The following ASTN2 variants were observed in gnomAD, a reference collection of about 807,000 sequenced individuals.
The protein encoded by ASTN2 is astrotactin-2.
Under a neutral mutation model 139.8 loss-of-function variants are expected in ASTN2, and 54 were observed. The observed-to-expected ratio is 0.39, with a 90% CI of 0.31 to 0.48. The LOEUF (loss-of-function observed/expected upper bound fraction) is 0.48. ASTN2 is among the 20% of genes least tolerant of loss of function. ASTN2 has a pLI of 0.95. For synonymous variants in ASTN2, 756 were observed against 719.5 expected (o/e 1.05, Z -0.81); for missense variants, 1,565 against 1,725.1 (o/e 0.91, Z 1.64).
intron 19 of ASTN2, among the ~76,000 whole-genome samples, chr9:116,519,225 C>T (rs1850770779): frequency 6.6e-6 from 1 of 151,902 alleles, no homozygotes; most frequent in South Asian, 2.1e-4. Context: ...TCAGCACATG[C>T]AATATTCTCC....
intron 10 of ASTN2, among the ~76,000 whole-genome samples, chr9:116,957,844 C>G (rs1056392809): frequency 1.8e-4 from 27 of 152,166 alleles, no homozygotes; most frequent in Admixed American, 4.6e-4. Flanking sequence ...CCACATCCAG[C>G]TCATTTTTGT....
chr9:116,872,047 C>T (rs1350878702), intron 10 of ASTN2, among the ~76,000 whole-genome samples: 2 of 152,100 alleles, frequency 1.3e-5, no homozygotes, highest in Admixed American at 6.5e-5. Context: ...TCACTGCAAC[C>T]TCCGCCTCCC....
intron 1 of ASTN2, among the ~76,000 whole-genome samples, chr9:117,313,796 G>T (rs1828050793): frequency 6.6e-6 from 1 of 152,124 alleles, no homozygotes; most frequent in Admixed American, 6.6e-5. Context: ...GCAAGGAGGA[G>T]CAGAATTTCA....
chr9:117,149,073 G>A (rs1157397982), intron 3 of ASTN2, among the ~76,000 whole-genome samples: 1 of 151,750 alleles, frequency 6.6e-6, no homozygotes, highest in Non-Finnish European at 1.5e-5. Context: ...AAGCTGGAGT[G>A]CAATGGCATG....
chr9:117,059,990 G>A (rs1839192119), intron 5 of ASTN2, among the ~76,000 whole-genome samples: 1 of 151,994 alleles, frequency 6.6e-6, no homozygotes, highest in Non-Finnish European at 1.5e-5. Flanking sequence ...ATGTTGCATG[G>A]CAGTTGTTAA....
intron 19 of ASTN2, among the ~76,000 whole-genome samples, chr9:116,549,607 C>A (rs1221509475): frequency 2.6e-5 from 4 of 152,198 alleles, no homozygotes; most frequent in Non-Finnish European, 5.9e-5. Context: ...TGATCCCAGC[C>A]CAGAGGGCCC....
intron 20 of ASTN2, among the ~76,000 whole-genome samples, chr9:116,467,536 A>G (rs1313533564): frequency 6.6e-6 from 1 of 152,238 alleles, no homozygotes; most frequent in African/African-American, 2.4e-5. Context: ...AAGTGCTCGG[A>G]TTACAGGCGT....
chr9:116,519,633 A>G (rs192234654), intron 19 of ASTN2, among the ~76,000 whole-genome samples: 1 of 152,210 alleles, frequency 6.6e-6, no homozygotes, highest in Admixed American at 6.5e-5. Context: ...ATCCAAACCC[A>G]GCAGAAGAAA....
At chr9:116,713,718 C>CCAA (rs1828234250) in intron 16 of ASTN2, among the ~76,000 whole-genome samples, 2 of 152,162 alleles carry the variant, frequency 1.3e-5, no homozygotes, top group Non-Finnish European at 2.9e-5. Flanking sequence ...ATACCATTTG[C>CCAA]CAACTCTGTG....
chr9:117,362,492 A>G (rs893751398), intron 1 of ASTN2, among the ~76,000 whole-genome samples: 6 of 152,122 alleles, frequency 3.9e-5, no homozygotes, highest in Non-Finnish European at 8.8e-5. Context: ...CAGGGTATTT[A>G]TTATCCTCCC....
chr9:116,476,285 C>G (rs192037808), intron 20 of ASTN2, among the ~76,000 whole-genome samples: 8 of 152,310 alleles, frequency 5.3e-5, no homozygotes, highest in Non-Finnish European at 1.2e-4. Context: ...CCAGTATTAC[C>G]TCATCTTGAT....
chr9:116,802,740 A>T (rs1399149660), intron 13 of ASTN2, among the ~76,000 whole-genome samples: 1 of 152,346 alleles, frequency 6.6e-6, no homozygotes, highest in African/African-American at 2.4e-5. Context: ...ACCCCATTTT[A>T]AAGATGAAGC....
At chr9:117,131,722 C>T (rs952483996) in intron 4 of ASTN2, among the ~76,000 whole-genome samples, 3 of 152,198 alleles carry the variant, frequency 2.0e-5, no homozygotes, top group Admixed American at 1.3e-4. Context: ...TTTAACTCAA[C>T]CAATTGCCAA....
intron 12 of ASTN2, among the ~76,000 whole-genome samples, chr9:116,813,626 G>T (rs72750092): frequency 6.6e-6 from 1 of 152,120 alleles, no homozygotes; most frequent in Non-Finnish European, 1.5e-5. Context: ...TTTTTCTCAT[G>T]TATTTTTTCC....
chr9:117,020,721 G>A (rs1246927645), intron 6 of ASTN2, among the ~76,000 whole-genome samples: 1 of 152,118 alleles, frequency 6.6e-6, no homozygotes, highest in Non-Finnish European at 1.5e-5. Flanking sequence ...GGGAGAGAGT[G>A]AGTTTTCTAA....
At chr9:116,506,277 C>T (rs1177293864) in intron 19 of ASTN2, among the ~76,000 whole-genome samples, 3 of 152,148 alleles carry the variant, frequency 2.0e-5, no homozygotes, top group Non-Finnish European at 4.4e-5. Context: ...AACTGAGGCC[C>T]AAGGAGGTGA....
At chr9:117,123,143 A>G (rs899869126) in intron 4 of ASTN2, among the ~76,000 whole-genome samples, 1 of 152,062 alleles carries the variant, frequency 6.6e-6, no homozygotes, top group African/African-American at 2.4e-5. Flanking sequence ...GCTCCACCCT[A>G]CAGTGGCAGG....
chr9:116,711,452 A>G (rs1769304738), intron 16 of ASTN2, among the ~76,000 whole-genome samples: 1 of 152,214 alleles, frequency 6.6e-6, no homozygotes, highest in Non-Finnish European at 1.5e-5. Context: ...TCTGGACGAT[A>G]CCATCTTTTT....
chr9:117,074,248 AGAG>A (rs888445487), intron 5 of ASTN2, among the ~76,000 whole-genome samples: 29 of 151,848 alleles, frequency 1.9e-4, no homozygotes, highest in Admixed American at 2.6e-4. Context: ...CCCGTTCTCT[AGAG>A]GAGGAGGAGG....
Sources: allele counts gnomAD v4.1 joint callset (sites outside exome capture counted in the v4.1 genomes callset), GRCh38; gene constraint gnomAD v4.1.1; transcripts MANE v1.5; gene names NCBI Gene and HGNC (gene_info 2026-07-23, HGNC 2026-07-21).